RBFOX1: variants seen among roughly 807,000 people sequenced by gnomAD.
The protein encoded by RBFOX1 is RNA binding fox-1 homolog 1.
Under a neutral mutation model 57.7 loss-of-function variants are expected in RBFOX1, and 8 were observed. The observed-to-expected ratio is 0.14, with a 90% CI of 0.08 to 0.25. The LOEUF (loss-of-function observed/expected upper bound fraction) is 0.25. Among genes scored for constraint, RBFOX1 ranks in the 10% least tolerant of loss-of-function variants. RBFOX1 has a pLI of 1.00. For missense variants in RBFOX1, 611 were observed against 548.5 expected (o/e 1.11, Z -1.14); for synonymous variants, 326 against 222.4 (o/e 1.47, Z -4.15).
At chr16:5,935,092 C>CT (rs1429579286) in intron 4 of RBFOX1, among the ~76,000 whole-genome samples, 6 of 152,218 alleles carry the variant, frequency 3.9e-5, no homozygotes, top group South Asian at 4.1e-4. Flanking sequence ...TCAGCCAACT[C>CT]TTTTACTGAA....
At chr16:6,135,002 G>C (rs901498340) in intron 1 of RBFOX1, among the ~76,000 whole-genome samples, 2 of 151,506 alleles carry the variant, frequency 1.3e-5, no homozygotes, top group African/African-American at 4.9e-5. Flanking sequence ...CCCCTCCCCT[G>C]ACCCCACTAC....
At chr16:7,009,888 G>A (rs543217606) in intron 3 of RBFOX1, among the ~76,000 whole-genome samples, 5 of 152,176 alleles carry the variant, frequency 3.3e-5, no homozygotes, top group African/African-American at 4.8e-5. Flanking sequence ...TTTTGGTGCC[G>A]TTTAGCTGTG....
chr16:7,702,577 T>C (rs563201612), intron 14 of RBFOX1, among the ~76,000 whole-genome samples: 2 of 152,282 alleles, frequency 1.3e-5, no homozygotes, highest in Admixed American at 1.3e-4. Flanking sequence ...GAGAAGGAAG[T>C]AAAGCAGTAG....
chr16:5,756,549 T>A (rs910675641), intron 3 of RBFOX1, among the ~76,000 whole-genome samples: 1 of 152,064 alleles, frequency 6.6e-6, no homozygotes, highest in Non-Finnish European at 1.5e-5. Flanking sequence ...AAAGATAAAT[T>A]TGAGGAGTAA....
At chr16:5,982,114 TG>T (rs1425778522) in intron 4 of RBFOX1, among the ~76,000 whole-genome samples, 8 of 152,144 alleles carry the variant, frequency 5.3e-5, no homozygotes, top group Non-Finnish European at 1.2e-4. Flanking sequence ...AGCCTTATAA[TG>T]GCCTGTCAGC....
chr16:6,524,781 G>T (rs1026833849), intron 2 of RBFOX1, among the ~76,000 whole-genome samples: 1 of 152,084 alleles, frequency 6.6e-6, no homozygotes, highest in Non-Finnish European at 1.5e-5. Context: ...GGCATTCCTT[G>T]GTGTGTATTG....
rs1002963507 is a variant in RBFOX1 at position 7,431,499 on chromosome 16, C to A, written c.28-86648C>A. Among the ~76,000 whole-genome samples, 6 of 152,086 alleles carry A rather than the reference C, an allele frequency of 3.9e-5. No individual in the cohort carries two copies. In the South Asian group the frequency reaches 6.2e-4, roughly 16 times the overall value. On this transcript the variant is annotated intron_variant, in intron 4 of 15. Transcript: ENST00000550418. ...CAAGTGATCCTTCCACTTTGGCCTC[C>A]CAAAGTGTGGGATTATGGGCGTGAG...
intron 2 of RBFOX1, among the ~76,000 whole-genome samples, chr16:6,538,859 C>T (rs140629036): frequency 1.0e-3 from 152 of 152,204 alleles, no homozygotes; most frequent in Non-Finnish European, 1.7e-3. Flanking sequence ...TGGTGCCAAA[C>T]TTACTATTTT....
intron 3 of RBFOX1, among the ~76,000 whole-genome samples, chr16:7,038,376 A>G (rs1025975204): frequency 1.3e-5 from 2 of 152,222 alleles, no homozygotes; most frequent in Admixed American, 6.5e-5. Flanking sequence ...TGCTGAAACA[A>G]ATAGAAATCA....
chr16:6,479,397 G>A (rs958574846), intron 2 of RBFOX1, among the ~76,000 whole-genome samples: 1 of 152,092 alleles, frequency 6.6e-6, no homozygotes, highest in African/African-American at 2.4e-5. Context: ...AGGCCAGCCT[G>A]GCCAACATGG....
intron 3 of RBFOX1, among the ~76,000 whole-genome samples, chr16:6,829,973 G>T (rs1014006387): frequency 1.3e-4 from 19 of 151,884 alleles, no homozygotes; most frequent in African/African-American, 4.6e-4. Context: ...CTGGAGTGCA[G>T]TGGTGCAGTC....
intron 3 of RBFOX1, among the ~76,000 whole-genome samples, chr16:6,708,349 G>A (rs1214754237): frequency 6.6e-6 from 1 of 151,970 alleles, no homozygotes; most frequent in African/African-American, 2.4e-5. Context: ...ACTACCTTGA[G>A]ACCATCTTCT....
At chr16:6,489,745 A>C (rs1479716582) in intron 2 of RBFOX1, among the ~76,000 whole-genome samples, 2 of 152,192 alleles carry the variant, frequency 1.3e-5, no homozygotes. Context: ...GTTGCTATTT[A>C]AATACTCCTG....
intron 2 of RBFOX1, among the ~76,000 whole-genome samples, chr16:6,649,433 T>C (rs1274445065): frequency 6.6e-6 from 1 of 152,144 alleles, no homozygotes; most frequent in Non-Finnish European, 1.5e-5. Flanking sequence ...AGTTCTTCAG[T>C]GGTGGTTTCT....
intron 10 of RBFOX1, among the ~76,000 whole-genome samples, chr16:7,611,723 A>T (rs1420254001): frequency 1.3e-5 from 2 of 152,154 alleles, no homozygotes; most frequent in African/African-American, 4.8e-5. Context: ...TACTATTTGC[A>T]TTGATAAATT....
chr16:5,306,182 A>T (rs1198013180), intron 1 of RBFOX1, among the ~76,000 whole-genome samples: 1 of 152,222 alleles, frequency 6.6e-6, no homozygotes, highest in Non-Finnish European at 1.5e-5. Context: ...GCCTGGGCGC[A>T]TAGCAAGACC....
intron 3 of RBFOX1, among the ~76,000 whole-genome samples, chr16:6,735,108 G>A (rs773018419): frequency 1.1e-4 from 16 of 152,054 alleles, no homozygotes; most frequent in African/African-American, 1.4e-4. Flanking sequence ...TTAAACAACT[G>A]TATACACTCC....
At chr16:5,669,455 G>A (rs563036857) in intron 3 of RBFOX1, among the ~76,000 whole-genome samples, 5 of 129,002 alleles carry the variant, frequency 3.9e-5, no homozygotes, top group East Asian at 2.2e-4. Flanking sequence ...ACAGAGTCTC[G>A]TTCTGTTAGG....
At position 7,165,407 on chromosome 16, in the gene RBFOX1, A is replaced by AATAATAATAATAATG. The variant is rs1172882737; in HGVS notation, c.27+113311_27+113312insAATAATAATAATGAT. ...CTTCTGTAATAATAATAATAATAAT[A>AATAATAATAATAATG]ATGATAATAATCATTATTATTATTA... On this transcript the variant is annotated intron_variant, in intron 4 of 15. Coordinates refer to ENST00000550418, the MANE Select transcript of RBFOX1 (RefSeq NM_018723.4). Among the ~76,000 whole-genome samples the AATAATAATAATAATG allele has an allele frequency of 4.8e-5, 7 of 147,068 alleles. No homozygotes were observed. In the East Asian group the frequency reaches 1.4e-3, roughly 29 times the overall value.
Sources: allele counts gnomAD v4.1 joint callset (sites outside exome capture counted in the v4.1 genomes callset), GRCh38; gene constraint gnomAD v4.1.1; transcripts MANE v1.5; gene names NCBI Gene and HGNC (gene_info 2026-07-23, HGNC 2026-07-21).